The following KCNN2 variants were observed in gnomAD, a reference collection of about 807,000 sequenced individuals.
KCNN2 encodes small conductance calcium-activated potassium channel protein 2.
In KCNN2, 24 loss-of-function variants were observed where a neutral mutation model predicts 55.5. The ratio of observed to expected loss-of-function variants is 0.43; its 90% CI spans 0.31 to 0.61. The LOEUF (loss-of-function observed/expected upper bound fraction) is 0.61. KCNN2 is among the 20% of genes least tolerant of loss of function. KCNN2 has a pLI of 0.08. For synonymous variants in KCNN2, 431 were observed against 336.1 expected (o/e 1.28, Z -3.09); for missense variants, 754 against 853.6 (o/e 0.88, Z 1.45).
chr5:114,435,632 A>G (rs901080314), intron 3 of KCNN2, among the ~76,000 whole-genome samples: 2 of 152,020 alleles, frequency 1.3e-5, no homozygotes, highest in African/African-American at 4.8e-5. Flanking sequence ...AAAAAAAAAG[A>G]TGATTTAGAT....
At chr5:114,097,007 CT>C (rs11358249) in intron 1 of KCNN2, among the ~76,000 whole-genome samples, 63,804 of 151,766 alleles carry the variant, frequency 0.42, 13,824 homozygotes, top group East Asian at 0.64. Flanking sequence ...GGTTACCTAG[CT>C]AGTAAGTAAA....
chr5:114,359,812 T>A (rs949987036), upstream of KCNN2, among the ~76,000 whole-genome samples: 1 of 152,228 alleles, frequency 6.6e-6, no homozygotes, highest in South Asian at 2.1e-4. Flanking sequence ...TCCTAATACA[T>A]GTTTGATGGA....
chr5:114,210,320 T>C (rs993516743), intron 1 of KCNN2, among the ~76,000 whole-genome samples: 4 of 152,308 alleles, frequency 2.6e-5, no homozygotes, highest in African/African-American at 9.6e-5. Flanking sequence ...TTAAGCAGAA[T>C]CACACATAAT....
chr5:114,208,176 A>C lies in KCNN2; in HGVS notation c.-270-13304A>C, dbSNP rs149328859. Among the ~76,000 whole-genome samples, 575 of 152,336 alleles carry C rather than the reference A, an allele frequency of 3.8e-3. 3 individuals carry two copies. The highest frequency in any genetic ancestry group is 0.017 in the Middle Eastern group (5 of 294). On this transcript the variant is annotated intron_variant, in intron 1 of 10. Transcript: ENST00000512097. ...TCATACATGACAGAAAGTCAAGCAT[A>C]TATACAAATCAGTGCCTCTACAAAT...
intron 1 of KCNN2, among the ~76,000 whole-genome samples, chr5:114,116,847 G>T (rs1042954795): frequency 2.6e-5 from 4 of 152,086 alleles, no homozygotes; most frequent in African/African-American, 9.7e-5. Flanking sequence ...GGATATTAGG[G>T]ATGAGGATAT....
intron 2 of KCNN2, among the ~76,000 whole-genome samples, chr5:114,404,188 G>A (rs933343113): frequency 2.2e-4 from 34 of 152,166 alleles, no homozygotes; most frequent in African/African-American, 7.2e-5. Flanking sequence ...TGATGTTTAC[G>A]TGATTGTCCA....
chr5:114,381,504 G>C (rs927948952), intron 2 of KCNN2, among the ~76,000 whole-genome samples: 1 of 152,246 alleles, frequency 6.6e-6, no homozygotes, highest in African/African-American at 2.4e-5. Context: ...ATAAGTGACA[G>C]ATTAGCTTTA....
chr5:114,086,743 A>G (rs192427824), intron 1 of KCNN2, among the ~76,000 whole-genome samples: 1 of 152,084 alleles, frequency 6.6e-6, no homozygotes, highest in African/African-American at 2.4e-5. Flanking sequence ...TGATGAACAC[A>G]CAAGTGAATG....
chr5:114,488,530 G>A (rs988376184), intron 6 of KCNN2, among the ~76,000 whole-genome samples: 1 of 152,114 alleles, frequency 6.6e-6, no homozygotes, highest in African/African-American at 2.4e-5. Context: ...TAGACTTACA[G>A]TTACCCTTAT....
chr5:114,459,302 CA>C (rs1459302554), intron 3 of KCNN2, among the ~76,000 whole-genome samples: 1 of 152,152 alleles, frequency 6.6e-6, no homozygotes, highest in African/African-American at 2.4e-5. Flanking sequence ...TTTATTAAAT[CA>C]GCATTCATGT....
chr5:114,068,907 A>G (rs1474230794), intron 1 of KCNN2, among the ~76,000 whole-genome samples: 2 of 152,034 alleles, frequency 1.3e-5, no homozygotes, highest in Non-Finnish European at 2.9e-5. Flanking sequence ...TCCACCATCC[A>G]GATTCAACCG....
chr5:114,259,616 T>C (rs897614265), intron 2 of KCNN2, among the ~76,000 whole-genome samples: 3 of 151,870 alleles, frequency 2.0e-5, no homozygotes, highest in Non-Finnish European at 4.4e-5. Context: ...ACTTAAAGTA[T>C]AATAATAATA....
chr5:114,199,288 A>G (rs1424705100), intron 1 of KCNN2, among the ~76,000 whole-genome samples: 6 of 152,038 alleles, frequency 3.9e-5, no homozygotes, highest in African/African-American at 1.2e-4. Context: ...TTTTCTATCC[A>G]TGTACTTTCC....
chr5:114,334,822 G>T, intron 2 of KCNN2, among the ~76,000 whole-genome samples: 1 of 152,160 alleles, frequency 6.6e-6, no homozygotes, highest in Admixed American at 6.5e-5. Context: ...ATTGACCCAT[G>T]TTAATTATGT....
intron 2 of KCNN2, among the ~76,000 whole-genome samples, chr5:114,386,098 C>T (rs539666740): frequency 3.4e-5 from 5 of 148,592 alleles, no homozygotes; most frequent in South Asian, 4.3e-4. Flanking sequence ...AGAAGAATGG[C>T]GTGAACCGAG....
At chr5:114,066,886 A>G (rs1461981366) in intron 1 of KCNN2, among the ~76,000 whole-genome samples, 2 of 152,116 alleles carry the variant, frequency 1.3e-5, no homozygotes, top group Admixed American at 6.6e-5. Flanking sequence ...GCTATGATTC[A>G]AGTTTTGAGA....
At chr5:114,204,188 C>T (rs1030406943) in intron 1 of KCNN2, among the ~76,000 whole-genome samples, 1 of 152,024 alleles carries the variant, frequency 6.6e-6, no homozygotes, top group African/African-American at 2.4e-5. Context: ...ATGCTAACAT[C>T]CTCCCCCATC....
chr5:114,277,761 CTGCCTTGTG>C (rs1170272168), intron 2 of KCNN2, among the ~76,000 whole-genome samples: 16 of 152,238 alleles, frequency 1.1e-4, no homozygotes, highest in Admixed American at 1.0e-3. Context: ...AGGTTTTTAG[CTGCCTTGTG>C]ATGGGTTAGA....
intron 2 of KCNN2, among the ~76,000 whole-genome samples, chr5:114,347,731 G>T (rs142804303): frequency 6.6e-6 from 1 of 151,932 alleles, no homozygotes; most frequent in East Asian, 1.9e-4. Context: ...CCTTTACCTT[G>T]GCTAAAAACA....
Sources: gnomAD v4.1 joint callset for allele counts (sites outside exome capture counted in the v4.1 genomes callset) on GRCh38, gnomAD v4.1.1 for gene constraint, MANE v1.5 for transcripts, NCBI Gene and HGNC (gene_info 2026-07-23, HGNC 2026-07-21) for gene names.